The following LIMCH1 variants were observed in gnomAD, a reference collection of about 807,000 sequenced individuals.
LIMCH1 encodes the protein LIM and calponin homology domains-containing protein 1.
LIMCH1 carries 113 observed loss-of-function variants against 176.5 expected under a neutral mutation model. The observed-to-expected ratio is 0.64, with a 90% CI of 0.55 to 0.75. The LOEUF is 0.75. Ranked by LOEUF, LIMCH1 falls within the 30% of genes least tolerant of loss-of-function variation. The pLI is 0.00. For synonymous variants in LIMCH1, 619 were observed against 645.9 expected (o/e 0.96, Z 0.63); for missense variants, 1,674 against 1,814.9 (o/e 0.92, Z 1.41).
intron 1 of LIMCH1, among the ~76,000 whole-genome samples, chr4:41,376,515 A>C (rs1371615825): frequency 6.6e-6 from 1 of 152,162 alleles, no homozygotes; most frequent in Non-Finnish European, 1.5e-5. Context: ...TACTGTAATA[A>C]TCTTTCTGTG....
intron 1 of LIMCH1, among the ~76,000 whole-genome samples, chr4:41,575,050 A>C (rs2084235759): frequency 6.6e-6 from 1 of 152,206 alleles, no homozygotes; most frequent in Non-Finnish European, 1.5e-5. Flanking sequence ...ACACCCACAC[A>C]CACACACACA....
At chr4:41,476,517 A>G (rs1327194661) in intron 1 of LIMCH1, among the ~76,000 whole-genome samples, 2 of 152,228 alleles carry the variant, frequency 1.3e-5, no homozygotes, top group East Asian at 1.9e-4. Context: ...TGCATCAGCA[A>G]TGCTCAGTGA....
At chr4:41,397,339 A>G (rs2057903126) in intron 1 of LIMCH1, among the ~76,000 whole-genome samples, 1 of 152,178 alleles carries the variant, frequency 6.6e-6, no homozygotes, top group Admixed American at 6.6e-5. Flanking sequence ...TTATGGCATG[A>G]GATATATATC....
intron 1 of LIMCH1, among the ~76,000 whole-genome samples, chr4:41,540,661 C>G (rs2078515206): frequency 6.6e-6 from 1 of 152,110 alleles, no homozygotes; most frequent in South Asian, 2.1e-4. Flanking sequence ...ATCGCTTGAA[C>G]CCGGGAGGTG....
chr4:41,412,883 T>C (rs778177923), intron 1 of LIMCH1, among the ~76,000 whole-genome samples: 1 of 152,136 alleles, frequency 6.6e-6, no homozygotes, highest in Non-Finnish European at 1.5e-5. Context: ...TCACTGACTT[T>C]GCACTAAAAA....
In LIMCH1 at chr4:41,633,064, C is replaced by T. The variant is rs1455443802; in HGVS notation, c.1808C>T (p.Ser603Leu). ...DSERLSKAER[S>L]EDSSQPLVCP... is the part of the protein sequence containing the mutation. ...GAGAGGCTGTCAAAGGCAGAAAGAT[C>T]AGAGGACAGCAGCCAGCCACTGTGA... The change falls in exon 12 of 32, where the codon TCA (serine) becomes TTA (leucine). Residue 603 changes from serine (S) to leucine (L), a missense_variant. Ser to Leu is a moderately radical substitution (Grantham distance 145, BLOSUM62 -2). Around this residue, in one of 3 missense-constraint regions of LIMCH1, gnomAD observed 1,015 missense variants for 1,102.5 expected, o/e 0.92. Transcript: ENST00000503057. 6.5e-7 allele frequency: 1 copy of T among 1,535,324 alleles called. No individual in the cohort carries two copies. Among genetic ancestry groups the T allele is most frequent in the East Asian group, 2.4e-5 (1 of 40,912 alleles).
intron 10 of LIMCH1, 130 bp from the exon 11 acceptor site, chr4:41,632,619 T>TA (rs2093383529): frequency 9.6e-6 from 7 of 727,204 alleles, no homozygotes; most frequent in Admixed American, 4.3e-5. Flanking sequence ...TCATCCTTAC[T>TA]AACCAGCCTT....
At position 41,633,810 on chromosome 4, in the gene LIMCH1, T is replaced by A. The variant is rs1469098605; in HGVS notation, c.2090+2T>A. 2.0e-6 allele frequency: 3 copies of A among 1,535,126 alleles called. No homozygotes were observed. The highest frequency in any genetic ancestry group is 2.6e-6 in the Non-Finnish European group (3 of 1,146,180). On this transcript the variant is annotated splice_donor_variant, in intron 13 of 31. Transcript: ENST00000503057. LOFTEE classifies it high-confidence loss of function. ...AGGTCTACCCATGAAAGATCAGAGG[T>A]CAGAAAGTTATTCTGTGCCCTTGTG...
At chr4:41,449,818 C>T (rs1209969746) in intron 1 of LIMCH1, among the ~76,000 whole-genome samples, 2 of 152,190 alleles carry the variant, frequency 1.3e-5, no homozygotes, top group African/African-American at 4.8e-5. Context: ...TTTATCATCT[C>T]AGCAGTTCTG....
chr4:41,562,168 A>G (rs1447774206), intron 1 of LIMCH1, among the ~76,000 whole-genome samples: 2 of 152,196 alleles, frequency 1.3e-5, no homozygotes, highest in Admixed American at 6.6e-5. Context: ...TTCTTTTGAA[A>G]AAGAGGCCCA....
intron 13 of LIMCH1, among the ~76,000 whole-genome samples, chr4:41,635,326 C>G (rs986191780): frequency 3.3e-5 from 5 of 151,834 alleles, no homozygotes; most frequent in Admixed American, 1.3e-4. Context: ...TCTGCCCATT[C>G]AAGCGATTCT....
chr4:41,550,085 A>G (rs1042691388), intron 1 of LIMCH1, among the ~76,000 whole-genome samples: 1 of 151,692 alleles, frequency 6.6e-6, no homozygotes, highest in Admixed American at 6.6e-5. Context: ...ATGTACCCAA[A>G]TTGTAAGAGA....
chr4:41,565,384 T>TAC (rs897890089), intron 1 of LIMCH1, among the ~76,000 whole-genome samples: 20 of 100,318 alleles, frequency 2.0e-4, no homozygotes, highest in African/African-American at 3.0e-4. Flanking sequence ...CACACACACA[T>TAC]ACACACACAC....
At chr4:41,391,255 T>C (rs13102816) in intron 1 of LIMCH1, among the ~76,000 whole-genome samples, 62,434 of 152,034 alleles carry the variant, frequency 0.41, 14,882 homozygotes, top group African/African-American at 0.67. Context: ...GTGTGAAGCC[T>C]ATGTTGACTG....
At chr4:41,521,744 A>G (rs1208394529) in intron 2 of LIMCH1, among the ~76,000 whole-genome samples, 1 of 152,088 alleles carries the variant, frequency 6.6e-6, no homozygotes, top group East Asian at 1.9e-4. Flanking sequence ...TTATTTTTTA[A>G]TTTATGGTAA....
intron 1 of LIMCH1, among the ~76,000 whole-genome samples, chr4:41,546,314 A>G (rs1583832206): frequency 6.6e-6 from 1 of 151,314 alleles, no homozygotes; most frequent in African/African-American, 2.4e-5. Flanking sequence ...AATTTTTGTA[A>G]TTTTCATAGA....
rs191864630 is a variant in LIMCH1 at position 41,461,197 on chromosome 4, C to T, written c.97-33339C>T. 2.2e-3 allele frequency among the ~76,000 whole-genome samples: 339 copies of T among 152,208 alleles called. 3 individuals are homozygous for T. Among genetic ancestry groups the T allele is most frequent in the African/African-American group, 7.0e-3 (291 of 41,548 alleles). Reference sequence around the variant, plus strand: ...TTACCTTCAATTTCAAATGAGCAAACGGAGGCAGAGAGTGTTTTAGTATGA... The same window carrying T: ...TTACCTTCAATTTCAAATGAGCAAATGGAGGCAGAGAGTGTTTTAGTATGA... On this transcript the variant is annotated intron_variant, in intron 1 of 26. Transcript: ENST00000313860.
At position 41,605,923 on chromosome 4, in the gene LIMCH1, A is replaced by G; in HGVS notation, c.-73A>G. 6.2e-7 allele frequency: 1 copy of G among 1,613,434 alleles called. No homozygotes were observed. The highest frequency in any genetic ancestry group is 1.3e-5 in the African/African-American group (1 of 75,032). On this transcript the variant is annotated 5_prime_UTR_variant, in exon 4 of 32. Transcript: ENST00000503057. ...TAGTTACCATTTACTGGCTGGGAAAAGCAGCAAACAGCTGCACATCCTACA... is the reference window on the plus strand; with the variant it reads ...TAGTTACCATTTACTGGCTGGGAAAGGCAGCAAACAGCTGCACATCCTACA...
intron 1 of LIMCH1, among the ~76,000 whole-genome samples, chr4:41,448,692 C>T (rs947961010): frequency 6.6e-6 from 1 of 152,054 alleles, no homozygotes; most frequent in Non-Finnish European, 1.5e-5. Context: ...ATTTTTATGA[C>T]TTTGAAAGGA....
Sources: allele counts gnomAD v4.1 joint callset (sites outside exome capture counted in the v4.1 genomes callset), GRCh38; gene constraint gnomAD v4.1.1; regional missense constraint gnomAD v4.1.1; transcripts MANE v1.5; gene names NCBI Gene and HGNC (gene_info 2026-07-23, HGNC 2026-07-21).